The following ATR variants were observed in gnomAD, a reference collection of about 807,000 sequenced individuals.
ATR encodes the protein ATR checkpoint kinase, also known as serine/threonine-protein kinase ATR.
A neutral mutation model predicts 305.3 loss-of-function variants in ATR; 142 were observed. The ratio of observed to expected loss-of-function variants is 0.47; its 90% CI spans 0.41 to 0.53. The LOEUF is 0.53. Among genes scored for constraint, ATR ranks in the 20% least tolerant of loss-of-function variants. The probability of loss-of-function intolerance (pLI) is 0.00; values close to 1 mark genes in which losing one functional copy is unlikely to be tolerated. For synonymous variants in ATR, 1,050 were observed against 1,068.1 expected, an observed-to-expected ratio of 0.98 and a Z score of 0.33; for missense variants, 2,135 against 3,133.1, an observed-to-expected ratio of 0.68 and a Z score of 7.60.
chr3:142,573,345 G>A (rs1340623323), intron 1 of ATR, among the ~76,000 whole-genome samples: 1 of 151,688 alleles, frequency 6.6e-6, no homozygotes. Context: ...TACTTGGGAA[G>A]CTGTGGCACT....
rs1278270750 is a variant in ATR at position 142,497,296 on chromosome 3, A to C, written c.5559-104T>G. ...ATCAGAAATAAAGAATTTAAAATAC[A>C]CAGTTGTCTTTGGTAGAACTTTAAT... On this transcript the variant is annotated intron_variant, in intron 32 of 46. Transcript: ENST00000350721. 3 of 1,198,692 alleles carry C rather than the reference A, an allele frequency of 2.5e-6. No individual in the cohort carries two copies. In the African/African-American group the frequency reaches 4.6e-5, roughly 18 times the overall value. The allele number at this position is 1,198,692 out of a possible 1,614,324, so 74.3% of individuals were successfully genotyped here.
chr3:142,468,181 G>T, intron 38 of ATR, 113 bp from the exon 39 acceptor site: 2 of 1,284,866 alleles, frequency 1.6e-6, no homozygotes, highest in Non-Finnish European at 2.2e-6. Context: ...GAGTTTATAT[G>T]ATACAAATTT....
intron 21 of ATR, among the ~76,000 whole-genome samples, chr3:142,531,570 A>G (rs1052311600): frequency 3.3e-5 from 5 of 152,110 alleles, no homozygotes; most frequent in African/African-American, 1.2e-4. Context: ...CCATGTCCCT[A>G]CAAAGGACAT....
Position 142,553,621 on chromosome 3 carries a change from C to G in ATR, c.2633+19G>C. On this transcript the variant is annotated intron_variant, in intron 12 of 46. Coordinates refer to ENST00000350721, the MANE Select transcript of ATR (RefSeq NM_001184.4). ...TGGCCAAAATAAATAAGGAAGAACA[C>G]AAATGCTGCCAAGTATACCTTCCAA... 6.3e-7 allele frequency: 1 copy of G among 1,578,494 alleles called. No homozygotes were observed. Among genetic ancestry groups the G allele is most frequent in the Non-Finnish European group, 8.7e-7 (1 of 1,151,512 alleles).
Position 142,517,155 on chromosome 3 carries a change from A to G in ATR, c.4383-1640T>C, listed in dbSNP as rs1292671537. 2.0e-5 allele frequency among the ~76,000 whole-genome samples: 3 copies of G among 151,728 alleles called. No individual in the cohort carries two copies. In the East Asian group the frequency reaches 5.8e-4, roughly 29 times the overall value. On this transcript the variant is annotated intron_variant, in intron 24 of 46. Coordinates refer to ENST00000350721, the MANE Select transcript of ATR (RefSeq NM_001184.4). ...TCTGGATGATTTTTATCAAATTTAT[A>G]GTAAACTTAGCTAGAAAACTACTGA... is the stretch of plus-strand genomic sequence containing the variant.
At chr3:142,557,276 G>C (rs929247811) in intron 8 of ATR, among the ~76,000 whole-genome samples, 2 of 151,840 alleles carry the variant, frequency 1.3e-5, no homozygotes, top group Admixed American at 1.3e-4. Context: ...TTTTCAAACA[G>C]CAAGGACTTA....
At chr3:142,452,116 G>GC in intron 46 of ATR, 2 of 1,016,648 alleles carry the variant, frequency 2.0e-6, no homozygotes, top group Non-Finnish European at 2.4e-6. Flanking sequence ...TAAAGAAGCA[G>GC]CTAAACCTTC....
intron 34 of ATR, among the ~76,000 whole-genome samples, chr3:142,494,059 A>G (rs2031443363): frequency 6.8e-6 from 1 of 146,614 alleles, no homozygotes; most frequent in Non-Finnish European, 1.5e-5. Flanking sequence ...ATTTAAATTA[A>G]AAAAAAAAAG....
intron 24 of ATR, 24 bp from the exon 25 acceptor site, chr3:142,515,539 T>G (rs2032823988): frequency 6.3e-7 from 1 of 1,592,472 alleles, no homozygotes. Context: ...AATTTGTTTA[T>G]TAAAAAGATA....
At chr3:142,552,669 C>CAAAAAAAAAAAAAAAAAAAAA in intron 13 of ATR, among the ~76,000 whole-genome samples, 1 of 93,328 alleles carries the variant, frequency 1.1e-5, no homozygotes, top group Non-Finnish European at 2.1e-5. Context: ...TACTCCATCT[C>CAAAAAAAAAAAAAAAAAAAAA]AAAAAAAAAA....
chr3:142,459,137 A>C, intron 43 of ATR, 26 bp from the exon 44 acceptor site: 1 of 1,613,752 alleles, frequency 6.2e-7, no homozygotes, highest in Non-Finnish European at 8.5e-7. Flanking sequence ...TGCCTATGAA[A>C]TATCCATATA....
chr3:142,458,900 G>T, intron 44 of ATR, 58 bp downstream of exon 44: 1 of 1,569,372 alleles, frequency 6.4e-7, no homozygotes, highest in Non-Finnish European at 8.8e-7. Context: ...AGATACAGTT[G>T]TTGAGAAAAG....
At chr3:142,559,559 TTAAAG>T (rs2034804504) in intron 6 of ATR, 118 bp from the exon 7 acceptor site, 1 of 971,330 alleles carries the variant, frequency 1.0e-6, no homozygotes, top group Non-Finnish European at 1.6e-6. Context: ...CTATAACAAT[TTAAAG>T]TAAACATGCA....
At chr3:142,542,125 A>T (rs549893419) in intron 17 of ATR, among the ~76,000 whole-genome samples, 56 of 152,286 alleles carry the variant, frequency 3.7e-4, no homozygotes, top group African/African-American at 1.2e-3. Context: ...TTTACATTAT[A>T]ATAACCTAAG....
chr3:142,552,728 A>G (rs1391135987), intron 13 of ATR, among the ~76,000 whole-genome samples: 1 of 151,924 alleles, frequency 6.6e-6, no homozygotes, highest in African/African-American at 2.4e-5. Flanking sequence ...TCAATGACAG[A>G]CTGGATGAAG....
At chr3:142,475,302 A>T (rs1577525716) in intron 36 of ATR, among the ~76,000 whole-genome samples, 1 of 151,990 alleles carries the variant, frequency 6.6e-6, no homozygotes, top group Non-Finnish European at 1.5e-5. Flanking sequence ...CCTGTGTCCA[A>T]GTGTTCTCAT....
chr3:142,454,687 C>T (rs1195969137), intron 45 of ATR, among the ~76,000 whole-genome samples: 7 of 151,852 alleles, frequency 4.6e-5, no homozygotes, highest in Admixed American at 6.6e-5. Flanking sequence ...GTGATCCGCC[C>T]GCCTCGGCCT....
chr3:142,536,025 A>G, intron 20 of ATR, 83 bp downstream of exon 20: 1 of 986,264 alleles, frequency 1.0e-6, no homozygotes, highest in Non-Finnish European at 1.6e-6. Flanking sequence ...ATATGATCCT[A>G]AAGGATCTTT....
chr3:142,513,662 A>G (rs1577606584), intron 25 of ATR, 24 bp from the exon 26 acceptor site: 1 of 1,610,698 alleles, frequency 6.2e-7, no homozygotes, highest in Non-Finnish European at 8.5e-7. Context: ...ATGTGTAGAC[A>G]GTAACACACT....
Sources: allele counts gnomAD v4.1 joint callset (sites outside exome capture counted in the v4.1 genomes callset), GRCh38; gene constraint gnomAD v4.1.1; transcripts MANE v1.5; gene names NCBI Gene and HGNC (gene_info 2026-07-23, HGNC 2026-07-21).